APBB2: variants seen among roughly 807,000 people sequenced by gnomAD.
APBB2 encodes Fe65-like 1.
In APBB2, 38 loss-of-function variants were observed where a neutral mutation model predicts 82.5. The ratio of observed to expected loss-of-function variants is 0.46; its 90% CI spans 0.36 to 0.60. The LOEUF (loss-of-function observed/expected upper bound fraction) is 0.60. Among genes scored for constraint, APBB2 ranks in the 20% least tolerant of loss-of-function variants. APBB2 has a pLI of 0.00. For missense variants in APBB2, 772 were observed against 972.3 expected (o/e 0.79, Z 2.74); for synonymous variants, 341 against 368.2 (o/e 0.93, Z 0.85).
intron 4 of APBB2, among the ~76,000 whole-genome samples, chr4:41,049,397 C>A (rs1189702636): frequency 9.5e-5 from 14 of 146,602 alleles, no homozygotes; most frequent in Admixed American, 2.0e-4. Flanking sequence ...CCCAGCCAGC[C>A]CTCCCCTCCG....
At chr4:40,929,805 T>C (rs1223017866) in intron 10 of APBB2, among the ~76,000 whole-genome samples, 1 of 152,172 alleles carries the variant, frequency 6.6e-6, no homozygotes, top group Non-Finnish European at 1.5e-5. Context: ...CCGATAGCCT[T>C]TGCCCCAGTA....
At chr4:41,152,039 C>T (rs931358675) in intron 1 of APBB2, among the ~76,000 whole-genome samples, 14 of 152,050 alleles carry the variant, frequency 9.2e-5, no homozygotes, top group African/African-American at 3.4e-4. Context: ...TTTTCTTCTC[C>T]CTTATGCTAC....
At chr4:40,959,179 C>T (rs1347486718) in intron 6 of APBB2, among the ~76,000 whole-genome samples, 1 of 152,170 alleles carries the variant, frequency 6.6e-6, no homozygotes, top group Non-Finnish European at 1.5e-5. Flanking sequence ...GAATGTGCCC[C>T]GCTGCCACAT....
chr4:41,122,780 C>G (rs1242881163), intron 2 of APBB2, among the ~76,000 whole-genome samples: 1 of 152,156 alleles, frequency 6.6e-6, no homozygotes, highest in Non-Finnish European at 1.5e-5. Flanking sequence ...CAAGTTAGTT[C>G]TTTGCTCAAA....
intron 5 of APBB2, among the ~76,000 whole-genome samples, chr4:41,026,840 T>G (rs1011315331): frequency 2.0e-5 from 3 of 152,212 alleles, no homozygotes; most frequent in African/African-American, 7.2e-5. Context: ...TACAGATAGC[T>G]TTTTTTGATA....
At chr4:40,923,077 G>C (rs922583440) in intron 10 of APBB2, among the ~76,000 whole-genome samples, 3 of 150,872 alleles carry the variant, frequency 2.0e-5, no homozygotes, top group Non-Finnish European at 4.4e-5. Context: ...CCAGGTTCAC[G>C]CCATTCTCCT....
At chr4:40,971,695 C>A (rs889820342) in intron 6 of APBB2, among the ~76,000 whole-genome samples, 2 of 152,128 alleles carry the variant, frequency 1.3e-5, no homozygotes, top group Non-Finnish European at 2.9e-5. Context: ...TAATTTAGTA[C>A]TAGAAAATGT....
intron 4 of APBB2, among the ~76,000 whole-genome samples, chr4:41,036,929 G>C (rs966338108): frequency 6.6e-6 from 1 of 152,144 alleles, no homozygotes; most frequent in African/African-American, 2.4e-5. Flanking sequence ...AGATATCAAA[G>C]CAGCACTTGG....
chr4:41,119,981 T>C (rs1752308847), intron 2 of APBB2, among the ~76,000 whole-genome samples: 1 of 152,244 alleles, frequency 6.6e-6, no homozygotes, highest in Non-Finnish European at 1.5e-5. Context: ...TGTTCCATGC[T>C]GTAATTTAGC....
At chr4:41,211,011 T>C (rs1018160832) in intron 1 of APBB2, among the ~76,000 whole-genome samples, 1 of 152,130 alleles carries the variant, frequency 6.6e-6, no homozygotes, top group African/African-American at 2.4e-5. Flanking sequence ...TCCCAGCACT[T>C]TGGGAGACCG....
At chr4:41,122,297 T>TG (rs1289891788) in intron 2 of APBB2, among the ~76,000 whole-genome samples, 1 of 152,200 alleles carries the variant, frequency 6.6e-6, no homozygotes, top group African/African-American at 2.4e-5. Context: ...CTGTTCTGAC[T>TG]GGGGTCTGTA....
intron 6 of APBB2, among the ~76,000 whole-genome samples, chr4:40,964,221 C>T (rs1169483004): frequency 6.6e-6 from 1 of 152,094 alleles, no homozygotes; most frequent in Non-Finnish European, 1.5e-5. Context: ...GTACTTGGCC[C>T]AGATTTCAAC....
rs565760716 is a variant in APBB2, at chr4:40,816,513, T to C, written c.2113-254A>G. Among the ~76,000 whole-genome samples, 40 of 152,326 alleles carry C rather than the reference T, an allele frequency of 2.6e-4. No individual in the cohort carries two copies. The Middle Eastern group carries it at 0.01, about 39-fold the overall frequency. On this transcript the variant is annotated intron_variant, in intron 17 of 17. Transcript: ENST00000508593. ...TTCCACCCTCCACGTGTCCTCTATATTGATAGTCCGCAACGAATACACCTC... is the reference window on the plus strand; with the variant it reads ...TTCCACCCTCCACGTGTCCTCTATACTGATAGTCCGCAACGAATACACCTC...
intron 10 of APBB2, among the ~76,000 whole-genome samples, chr4:40,918,839 G>A (rs1398062681): frequency 6.6e-6 from 1 of 150,674 alleles, no homozygotes; most frequent in Non-Finnish European, 1.5e-5. Flanking sequence ...TCAAACTCCT[G>A]GGCTCAAGCA....
At chr4:41,119,069 G>A (rs549668835) in intron 2 of APBB2, among the ~76,000 whole-genome samples, 3 of 152,164 alleles carry the variant, frequency 2.0e-5, no homozygotes, top group South Asian at 4.1e-4. Flanking sequence ...AGCCCTGGAG[G>A]TTGAGGCTGC....
At chr4:40,897,711 G>A (rs1774079877) in intron 10 of APBB2, among the ~76,000 whole-genome samples, 1 of 151,918 alleles carries the variant, frequency 6.6e-6, no homozygotes, top group Admixed American at 6.5e-5. Context: ...AGGCAGCTCC[G>A]CCCGAGGGGC....
At chr4:40,993,550 A>G (rs932806353) in intron 6 of APBB2, among the ~76,000 whole-genome samples, 9 of 151,554 alleles carry the variant, frequency 5.9e-5, no homozygotes, top group African/African-American at 1.7e-4. Context: ...ATACCCAGCT[A>G]ATTTTTTGTT....
At chr4:40,910,954 A>G (rs975011451) in intron 10 of APBB2, among the ~76,000 whole-genome samples, 1 of 152,282 alleles carries the variant, frequency 6.6e-6, no homozygotes, top group African/African-American at 2.4e-5. Context: ...TATTGGAATA[A>G]TAGTAAAATT....
chr4:40,884,108 C>T (rs1421070247), intron 12 of APBB2, among the ~76,000 whole-genome samples: 5 of 152,290 alleles, frequency 3.3e-5, no homozygotes, highest in African/African-American at 1.2e-4. Flanking sequence ...AACCCCGGGA[C>T]ATTTAGACCA....
Sources: allele counts gnomAD v4.1 joint callset (sites outside exome capture counted in the v4.1 genomes callset), GRCh38; gene constraint gnomAD v4.1.1; transcripts MANE v1.5; gene names NCBI Gene and HGNC (gene_info 2026-07-23, HGNC 2026-07-21).